Variants in ZBTB20 observed in about 807,000 individuals in gnomAD.
ZBTB20 encodes zinc finger and BTB domain-containing protein 20.
A neutral mutation model predicts 56.9 loss-of-function variants in ZBTB20; 9 were observed. The ratio of observed to expected loss-of-function variants is 0.16; its 90% CI spans 0.10 to 0.28. The LOEUF is 0.28. Among genes scored for constraint, ZBTB20 ranks in the 10% least tolerant of loss-of-function variants. The pLI is 1.00. For synonymous variants in ZBTB20, 417 were observed against 420.7 expected (o/e 0.99, Z 0.11); for missense variants, 655 against 1,003.0 (o/e 0.65, Z 4.69).
chr3:114,454,132 A>G (rs2091829487), intron 7 of ZBTB20, among the ~76,000 whole-genome samples: 1 of 147,490 alleles, frequency 6.8e-6, no homozygotes, highest in Non-Finnish European at 1.5e-5. Context: ...GATGGGGGGC[A>G]GAGAGAGAGG....
intron 5 of ZBTB20, among the ~76,000 whole-genome samples, chr3:114,761,329 T>A (rs1037661272): frequency 6.6e-6 from 1 of 152,148 alleles, no homozygotes; most frequent in Non-Finnish European, 1.5e-5. Context: ...ACTTTACATA[T>A]AGTATCTCAT....
At chr3:114,922,748 G>C (rs2076007869) in intron 3 of ZBTB20, among the ~76,000 whole-genome samples, 1 of 152,186 alleles carries the variant, frequency 6.6e-6, no homozygotes, top group African/African-American at 2.4e-5. Context: ...AGGCAAGAGA[G>C]AAAGAAGAGA....
intron 7 of ZBTB20, among the ~76,000 whole-genome samples, chr3:114,408,617 T>C (rs143309250): frequency 6.6e-6 from 1 of 152,252 alleles, no homozygotes; most frequent in East Asian, 1.9e-4. Flanking sequence ...CATCTCTGTT[T>C]GCACTTTCGC....
At chr3:114,678,990 A>C (rs944940237) in intron 6 of ZBTB20, among the ~76,000 whole-genome samples, 2 of 152,188 alleles carry the variant, frequency 1.3e-5, no homozygotes, top group Non-Finnish European at 2.9e-5. Context: ...CATTGAGGTA[A>C]GGTCCTAGGT....
chr3:114,901,803 G>A (rs1265841258), intron 3 of ZBTB20, among the ~76,000 whole-genome samples: 1 of 151,970 alleles, frequency 6.6e-6, no homozygotes, highest in Admixed American at 6.6e-5. Flanking sequence ...TACATGGACA[G>A]TATGAAATTA....
At chr3:115,047,948 C>T (rs572474327) in intron 2 of ZBTB20, among the ~76,000 whole-genome samples, 7 of 151,846 alleles carry the variant, frequency 4.6e-5, no homozygotes, top group African/African-American at 1.4e-4. Context: ...TGGCCGGGCG[C>T]GGTGGCTCAC....
intron 6 of ZBTB20, among the ~76,000 whole-genome samples, chr3:114,629,364 A>G (rs151123235): frequency 1.3e-5 from 2 of 152,326 alleles, no homozygotes; most frequent in African/African-American, 4.8e-5. Context: ...CTACAAATTC[A>G]CATTATAGAA....
intron 4 of ZBTB20, among the ~76,000 whole-genome samples, chr3:114,847,089 T>C (rs1401911853): frequency 6.6e-6 from 1 of 152,176 alleles, no homozygotes; most frequent in Non-Finnish European, 1.5e-5. Flanking sequence ...CTCAAGCAAA[T>C]GGTTTTAGTA....
intron 2 of ZBTB20, among the ~76,000 whole-genome samples, chr3:114,985,147 G>A (rs911594977): frequency 2.6e-5 from 4 of 151,966 alleles, no homozygotes; most frequent in Admixed American, 2.6e-4. Context: ...ACTCATTGTC[G>A]ATTTTCCTAC....
intron 7 of ZBTB20, among the ~76,000 whole-genome samples, chr3:114,425,004 C>T (rs1321674841): frequency 6.6e-6 from 1 of 152,072 alleles, no homozygotes; most frequent in East Asian, 1.9e-4. Context: ...AATTTTCCCT[C>T]CATATTAAGG....
Position 114,620,988 on chromosome 3 carries a change from T to A in ZBTB20, c.-295+72540A>T, listed in dbSNP as rs562664375. On this transcript the variant is annotated intron_variant, in intron 6 of 11. Coordinates refer to ENST00000675478, the MANE Select transcript of ZBTB20 (RefSeq NM_001348800.3). ...TATGTAAATACAGCATCAAAATATT[T>A]AACATATAGTAAAATAGCTGAGAAA... 3.9e-4 allele frequency among the ~76,000 whole-genome samples: 59 copies of A among 152,316 alleles called. 1 individual carries two copies. Among genetic ancestry groups the A allele is most frequent in the Admixed American group, 3.3e-3 (51 of 15,294 alleles).
intron 5 of ZBTB20, among the ~76,000 whole-genome samples, chr3:114,768,972 T>C (rs1219385581): frequency 2.0e-5 from 3 of 152,174 alleles, no homozygotes; most frequent in East Asian, 1.9e-4. Flanking sequence ...ATGAGGACAA[T>C]AGAATACACC....
chr3:114,708,162 T>C (rs1039299725), intron 5 of ZBTB20, among the ~76,000 whole-genome samples: 2 of 152,188 alleles, frequency 1.3e-5, no homozygotes, highest in Admixed American at 6.5e-5. Context: ...TCAATTTATA[T>C]TCTGTAAACT....
chr3:114,961,908 T>C (rs1052657026), intron 3 of ZBTB20, among the ~76,000 whole-genome samples: 15 of 152,162 alleles, frequency 9.9e-5, no homozygotes, highest in African/African-American at 3.1e-4. Flanking sequence ...GAACAGAGGA[T>C]AGAAGTACTC....
intron 5 of ZBTB20, among the ~76,000 whole-genome samples, chr3:114,711,803 C>A (rs1050159309): frequency 6.6e-6 from 1 of 152,182 alleles, no homozygotes; most frequent in African/African-American, 2.4e-5. Flanking sequence ...GAGAGTAGAG[C>A]TTCAATAAAT....
intron 10 of ZBTB20, among the ~76,000 whole-genome samples, chr3:114,375,293 A>G (rs1364271787): frequency 6.6e-6 from 1 of 152,172 alleles, no homozygotes; most frequent in Non-Finnish European, 1.5e-5. Flanking sequence ...GAGTATTGCT[A>G]CTAACGCCTT....
At chr3:114,487,432 C>T (rs1029890081) in intron 7 of ZBTB20, among the ~76,000 whole-genome samples, 4 of 152,214 alleles carry the variant, frequency 2.6e-5, no homozygotes, top group African/African-American at 9.6e-5. Flanking sequence ...ATGTTTGCCT[C>T]TCTTTTGCTT....
intron 6 of ZBTB20, among the ~76,000 whole-genome samples, chr3:114,594,933 A>G (rs889270202): frequency 6.6e-6 from 1 of 152,246 alleles, no homozygotes; most frequent in Non-Finnish European, 1.5e-5. Context: ...GAAGCTGTGC[A>G]TGTTAGTCTA....
At chr3:114,380,468 A>T in intron 9 of ZBTB20, 64 bp from the exon 10 acceptor site, 1 of 1,448,882 alleles carries the variant, frequency 6.9e-7, no homozygotes, top group Non-Finnish European at 9.1e-7. Flanking sequence ...GCATTTTTAG[A>T]ATCTGTTAAA....
Sources: allele counts gnomAD v4.1 joint callset (sites outside exome capture counted in the v4.1 genomes callset), GRCh38; gene constraint gnomAD v4.1.1; transcripts MANE v1.5; gene names NCBI Gene and HGNC (gene_info 2026-07-23, HGNC 2026-07-21).